Variants in ARB2A observed in about 807,000 individuals in gnomAD.
The protein encoded by ARB2A is cotranscriptional regulator ARB2A.
the ARB2A span, among the ~76,000 whole-genome samples, chr5:93,717,204 C>T: frequency 2.0e-5 from 3 of 152,126 alleles, no homozygotes; most frequent in African/African-American, 4.8e-5. Flanking sequence ...TGAGCTACTG[C>T]ATTGGTTAAT....
the ARB2A span, among the ~76,000 whole-genome samples, chr5:93,829,966 C>G: frequency 2.0e-5 from 3 of 152,088 alleles, no homozygotes; most frequent in African/African-American, 4.8e-5. Context: ...ATTATTTAAA[C>G]TAACCATACA....
the ARB2A span, chr5:94,050,746 G>C: frequency 6.2e-7 from 1 of 1,604,926 alleles, no homozygotes. Flanking sequence ...CTAGAGCCTC[G>C]TATCTTTTCT....
the ARB2A span, among the ~76,000 whole-genome samples, chr5:93,695,671 A>C: frequency 6.6e-6 from 1 of 152,178 alleles, no homozygotes; most frequent in Admixed American, 6.5e-5. Context: ...TTGACCCAGC[A>C]ATCTCATTAC....
chr5:93,708,935 G>A, the ARB2A span, among the ~76,000 whole-genome samples: 1 of 151,888 alleles, frequency 6.6e-6, no homozygotes, highest in Non-Finnish European at 1.5e-5. Flanking sequence ...ATTAGTTCTG[G>A]GGATCTAATG....
chr5:93,672,459 AC>A, the ARB2A span, among the ~76,000 whole-genome samples: 7 of 151,764 alleles, frequency 4.6e-5, no homozygotes, highest in African/African-American at 1.7e-4. Context: ...ACAGGCACTC[AC>A]CACCACACCC....
chr5:93,882,645 A>G, the ARB2A span, among the ~76,000 whole-genome samples: 3 of 151,458 alleles, frequency 2.0e-5, no homozygotes, highest in South Asian at 6.2e-4. Flanking sequence ...ATAACCATTG[A>G]CAAGCATGGG....
chr5:93,894,222 C>T, the ARB2A span, among the ~76,000 whole-genome samples: 1 of 151,996 alleles, frequency 6.6e-6, no homozygotes, highest in Non-Finnish European at 1.5e-5. Context: ...TTTATGAATA[C>T]AATTACAAAC....
the ARB2A span, among the ~76,000 whole-genome samples, chr5:94,082,386 A>G: frequency 6.6e-6 from 1 of 152,202 alleles, no homozygotes; most frequent in African/African-American, 2.4e-5. Flanking sequence ...CATTGTACCA[A>G]ATTACTTCGA....
the ARB2A span, chr5:93,881,454 T>C: frequency 3.2e-6 from 5 of 1,556,494 alleles, no homozygotes; most frequent in African/African-American, 1.4e-5. Flanking sequence ...TAAAGGAAAG[T>C]AGTGATCTCA....
chr5:93,962,542 G>GA, the ARB2A span, among the ~76,000 whole-genome samples: 2 of 151,234 alleles, frequency 1.3e-5, no homozygotes, highest in Admixed American at 1.3e-4. Flanking sequence ...TCATCACCAG[G>GA]AAAAAAAAGG....
chr5:93,836,548 T>C, the ARB2A span, among the ~76,000 whole-genome samples: 1 of 152,250 alleles, frequency 6.6e-6, no homozygotes, highest in Non-Finnish European at 1.5e-5. Context: ...AGAACAGTTA[T>C]ATGTAAAACA....
chr5:93,732,340 A>G, the ARB2A span, among the ~76,000 whole-genome samples: 1 of 152,246 alleles, frequency 6.6e-6, no homozygotes, highest in Non-Finnish European at 1.5e-5. Flanking sequence ...AGCAAAGAAG[A>G]TTCTACTGTG....
the ARB2A span, among the ~76,000 whole-genome samples, chr5:93,959,409 A>G: frequency 6.6e-6 from 1 of 152,104 alleles, no homozygotes; most frequent in African/African-American, 2.4e-5. Context: ...AGTTTAAATA[A>G]GTTGCCCACG....
the ARB2A span, chr5:93,738,840 G>GA: frequency 4.6e-5 from 7 of 152,282 alleles, no homozygotes; most frequent in South Asian, 1.5e-3. Context: ...TGGAGTGATG[G>GA]AAAAATGTTG....
the ARB2A span, among the ~76,000 whole-genome samples, chr5:93,631,076 G>GCTGCAT: frequency 6.6e-6 from 1 of 151,890 alleles, no homozygotes; most frequent in African/African-American, 2.4e-5. Context: ...GTAGAGACAG[G>GCTGCAT]GTTTCTCCAT....
chr5:93,741,076 G>A, the ARB2A span: 2 of 1,613,846 alleles, frequency 1.2e-6, no homozygotes, highest in South Asian at 1.1e-5. Flanking sequence ...GCGGCAGATG[G>A]TCGTCTGGCT....
the ARB2A span, among the ~76,000 whole-genome samples, chr5:93,936,375 T>C: frequency 6.6e-6 from 1 of 152,158 alleles, no homozygotes; most frequent in Non-Finnish European, 1.5e-5. Context: ...AAAAGGTTTA[T>C]GAAATTCATT....
At chr5:94,092,047 C>T in the ARB2A span, among the ~76,000 whole-genome samples, 2 of 151,798 alleles carry the variant, frequency 1.3e-5, no homozygotes, top group African/African-American at 2.4e-5. Flanking sequence ...CTCTCCAAAG[C>T]ACTTAGCATT....
At chr5:93,899,125 G>T in the ARB2A span, among the ~76,000 whole-genome samples, 1 of 152,084 alleles carries the variant, frequency 6.6e-6, no homozygotes, top group African/African-American at 2.4e-5. Flanking sequence ...CAAAAATCAT[G>T]ATTCCATAGC....
Sources: allele counts gnomAD v4.1 joint callset (sites outside exome capture counted in the v4.1 genomes callset), GRCh38; gene constraint gnomAD v4.1.1; transcripts MANE v1.5; gene names NCBI Gene and HGNC (gene_info 2026-07-23, HGNC 2026-07-21).